Variants in NMNAT2 observed in about 807,000 individuals in gnomAD.
The protein encoded by NMNAT2 is nicotinamide/nicotinic acid mononucleotide adenylyltransferase 2.
Under a neutral mutation model 41.6 loss-of-function variants are expected in NMNAT2, and 11 were observed. That is an observed-to-expected ratio of 0.26 (90% CI 0.17 to 0.44). The LOEUF (loss-of-function observed/expected upper bound fraction) is 0.44. NMNAT2 is among the 20% of genes least tolerant of loss of function. The pLI is 1.00. For synonymous variants in NMNAT2, 148 were observed against 151.2 expected (o/e 0.98, Z 0.16); for missense variants, 288 against 407.7 (o/e 0.71, Z 2.53).
intron 1 of NMNAT2, among the ~76,000 whole-genome samples, chr1:183,408,848 A>C (rs755211008): frequency 1.3e-5 from 2 of 152,248 alleles, no homozygotes; most frequent in Non-Finnish European, 2.9e-5. Context: ...ATTTTAATTT[A>C]AAACGAATGA....
intron 4 of NMNAT2, among the ~76,000 whole-genome samples, chr1:183,289,455 A>ACAGGCCC (rs1305602908): frequency 9.2e-5 from 14 of 152,206 alleles, no homozygotes; most frequent in Non-Finnish European, 1.6e-4. Flanking sequence ...CAGCCCGGCC[A>ACAGGCCC]CAGGCCCCAG....
intron 7 of NMNAT2, chr1:183,283,097 C>G (rs1381793989): frequency 2.0e-5 from 3 of 152,188 alleles, no homozygotes; most frequent in African/African-American, 7.2e-5. Context: ...CTGTGTGAAC[C>G]AAGTGCTCAG....
At chr1:183,310,807 T>C (rs1189709816) in intron 1 of NMNAT2, among the ~76,000 whole-genome samples, 1 of 144,178 alleles carries the variant, frequency 6.9e-6, no homozygotes, top group Non-Finnish European at 1.5e-5. Flanking sequence ...TAGAAACTCA[T>C]AATGCCAACA....
At chr1:183,378,643 G>A (rs924382310) in intron 1 of NMNAT2, among the ~76,000 whole-genome samples, 2 of 152,136 alleles carry the variant, frequency 1.3e-5, no homozygotes, top group South Asian at 2.1e-4. Context: ...GAAAATGGAA[G>A]CAAAGAAAAA....
At chr1:183,272,222 A>G (rs1157249667) in intron 8 of NMNAT2, among the ~76,000 whole-genome samples, 1 of 152,188 alleles carries the variant, frequency 6.6e-6, no homozygotes, top group Non-Finnish European at 1.5e-5. Flanking sequence ...GGCTTCCCAC[A>G]GTCCCTGATC....
chr1:183,410,306 G>A (rs1325056769), intron 1 of NMNAT2, among the ~76,000 whole-genome samples: 1 of 151,874 alleles, frequency 6.6e-6, no homozygotes, highest in East Asian at 1.9e-4. Flanking sequence ...CTGGGCGGCA[G>A]AGTGAGACTC....
chr1:183,393,745 G>A (rs755416545), intron 1 of NMNAT2, among the ~76,000 whole-genome samples: 1 of 152,068 alleles, frequency 6.6e-6, no homozygotes, highest in African/African-American at 2.4e-5. Context: ...TGGTAAAGAC[G>A]GAGTTTCACC....
chr1:183,261,127 C>T, intron 9 of NMNAT2, 58 bp from the exon 10 acceptor site: 1 of 1,600,870 alleles, frequency 6.2e-7, no homozygotes, highest in South Asian at 1.1e-5. Context: ...TCCTTTTGCT[C>T]TCTCACTCCT....
intron 1 of NMNAT2, among the ~76,000 whole-genome samples, chr1:183,321,559 T>C (rs1465853201): frequency 6.6e-6 from 1 of 151,984 alleles, no homozygotes; most frequent in African/African-American, 2.4e-5. Context: ...CTGGCCAACA[T>C]AGTGAAACCC....
intron 3 of NMNAT2, 37 bp downstream of exon 3, chr1:183,292,753 C>T (rs201994005): frequency 4.4e-6 from 7 of 1,593,334 alleles, no homozygotes; most frequent in South Asian, 1.1e-5. Flanking sequence ...AGTAAGTCTC[C>T]GGGCCACTGC....
intron 1 of NMNAT2, among the ~76,000 whole-genome samples, chr1:183,347,020 GGAAC>G (rs1056978913): frequency 7.2e-5 from 11 of 152,064 alleles, no homozygotes; most frequent in African/African-American, 2.4e-4. Context: ...CTTCTGGGTG[GGAAC>G]TCACTTTTCC....
At chr1:183,381,753 A>G (rs1018215634) in intron 1 of NMNAT2, among the ~76,000 whole-genome samples, 1 of 152,324 alleles carries the variant, frequency 6.6e-6, no homozygotes, top group Non-Finnish European at 1.5e-5. Context: ...AATACCTAAA[A>G]TAACAGTTAC....
At chr1:183,387,169 T>C (rs928324449) in intron 1 of NMNAT2, among the ~76,000 whole-genome samples, 1 of 151,022 alleles carries the variant, frequency 6.6e-6, no homozygotes, top group Admixed American at 6.6e-5. Flanking sequence ...GTTATATTCA[T>C]GAATTAAATG....
chr1:183,287,350 G>C (rs190167585), intron 4 of NMNAT2, among the ~76,000 whole-genome samples: 130 of 152,320 alleles, frequency 8.5e-4, no homozygotes, highest in Non-Finnish European at 1.4e-3. Flanking sequence ...CTTTGGGCCA[G>C]AGCTGTCAGT....
intron 1 of NMNAT2, among the ~76,000 whole-genome samples, chr1:183,347,113 A>G (rs546222367): frequency 4.9e-4 from 75 of 152,188 alleles, no homozygotes; most frequent in Middle Eastern, 3.4e-3. Context: ...TTCCATCACT[A>G]CTATAGAGAA....
chr1:183,390,853 T>C (rs1648461503), intron 1 of NMNAT2, among the ~76,000 whole-genome samples: 1 of 152,198 alleles, frequency 6.6e-6, no homozygotes, highest in African/African-American at 2.4e-5. Flanking sequence ...TTATTTTCTT[T>C]CTATGAAGTC....
intron 1 of NMNAT2, among the ~76,000 whole-genome samples, chr1:183,393,764 C>G (rs981921847): frequency 6.6e-6 from 1 of 152,146 alleles, no homozygotes; most frequent in Non-Finnish European, 1.5e-5. Flanking sequence ...CCATGTTGGC[C>G]AGGCTGGTCT....
intron 10 of NMNAT2, among the ~76,000 whole-genome samples, chr1:183,256,805 A>C (rs1388308330): frequency 6.6e-6 from 1 of 152,064 alleles, no homozygotes; most frequent in Non-Finnish European, 1.5e-5. Flanking sequence ...GCTGGAGTGC[A>C]GCAGCGCATG....
At chr1:183,400,421 A>C (rs1193143649) in intron 1 of NMNAT2, among the ~76,000 whole-genome samples, 1 of 152,224 alleles carries the variant, frequency 6.6e-6, no homozygotes, top group Non-Finnish European at 1.5e-5. Context: ...AGAGGACACA[A>C]ACAAATGGAA....
Sources: allele counts gnomAD v4.1 joint callset (sites outside exome capture counted in the v4.1 genomes callset), GRCh38; gene constraint gnomAD v4.1.1; transcripts MANE v1.5; gene names NCBI Gene and HGNC (gene_info 2026-07-23, HGNC 2026-07-21).